Variants in AEBP2 observed in about 807,000 individuals in gnomAD.
AEBP2 encodes the protein AE binding protein 2, also known as zinc finger protein AEBP2.
A neutral mutation model predicts 50.8 loss-of-function variants in AEBP2; 10 were observed. The observed-to-expected ratio is 0.20, with a 90% CI of 0.12 to 0.33. The LOEUF (loss-of-function observed/expected upper bound fraction) is 0.33. Ranked by LOEUF, AEBP2 falls within the 10% of genes least tolerant of loss-of-function variation. The pLI, the probability that AEBP2 is intolerant of heterozygous loss-of-function variation, is 1.00. For missense variants in AEBP2, 570 were observed against 688.0 expected (o/e 0.83, Z 1.92); for synonymous variants, 296 against 261.3 (o/e 1.13, Z -1.28).
At chr12:19,500,017 TTTG>T in intron 4 of AEBP2, 77 bp from the exon 5 acceptor site, 1 of 1,279,500 alleles carries the variant, frequency 7.8e-7, no homozygotes, top group Non-Finnish European at 1.1e-6. Flanking sequence ...TAGATATGTA[TTTG>T]TTAATTGTTT....
At chr12:19,484,938 G>T (rs902137578) in intron 3 of AEBP2, among the ~76,000 whole-genome samples, 1 of 152,142 alleles carries the variant, frequency 6.6e-6, no homozygotes, top group African/African-American at 2.4e-5. Flanking sequence ...ACATTTGCTG[G>T]AAATGTGACT....
At chr12:19,457,390 C>A (rs1206119344) in intron 1 of AEBP2, 1 of 1,437,736 alleles carries the variant, frequency 7.0e-7, no homozygotes, top group Non-Finnish European at 9.6e-7. Flanking sequence ...ATGATAGTCA[C>A]GTAGCACTTG....
chr12:19,464,950 C>G (rs1412037150), intron 2 of AEBP2, among the ~76,000 whole-genome samples: 1 of 151,920 alleles, frequency 6.6e-6, no homozygotes, highest in Non-Finnish European at 1.5e-5. Context: ...ATACCTGTAC[C>G]TTATTGATAT....
chr12:19,460,741 G>A (rs1948361214), intron 1 of AEBP2, among the ~76,000 whole-genome samples: 1 of 150,056 alleles, frequency 6.7e-6, no homozygotes, highest in Non-Finnish European at 1.5e-5. Flanking sequence ...AGCAGTCTCC[G>A]CCTCCTGGGT....
rs1161298936 is a variant in AEBP2 at position 19,520,785 on chromosome 12, G to T, written c.*2668G>T. ...AGCCCCCAATTTTTACTACAGGTTG[G>T]CAATCCCTAATCCAAAAATCTGACA... On this transcript the variant is annotated 3_prime_UTR_variant, in exon 8 of 8. Coordinates refer to ENST00000266508, the MANE Select transcript of AEBP2 (RefSeq NM_153207.5). 3 of 152,144 alleles carry T rather than the reference G, an allele frequency of 2.0e-5. No individual in the cohort carries two copies. Among genetic ancestry groups the T allele is most frequent in the Admixed American group, 2.0e-4 (3 of 15,270 alleles). The allele number at this position is 152,144 out of a possible 1,614,324, so 9.4% of individuals were successfully genotyped here.
intron 1 of AEBP2, among the ~76,000 whole-genome samples, chr12:19,415,982 A>C (rs777263259): frequency 2.2e-4 from 33 of 152,180 alleles, no homozygotes; most frequent in Admixed American, 7.2e-4. Flanking sequence ...TGAGAGTTCC[A>C]GACCAGCCTG....
chr12:19,495,212 G>GT (rs1285309691), intron 4 of AEBP2, among the ~76,000 whole-genome samples: 3 of 152,088 alleles, frequency 2.0e-5, no homozygotes, highest in Non-Finnish European at 2.9e-5. Flanking sequence ...CAGCTGGTTA[G>GT]TTTTAACTAC....
intron 3 of AEBP2, among the ~76,000 whole-genome samples, chr12:19,479,717 G>GTGTTTT (rs1948697977): frequency 4.5e-5 from 1 of 22,314 alleles, no homozygotes; most frequent in African/African-American, 1.6e-4. Flanking sequence ...CTCTTTGTGG[G>GTGTTTT]TTTTTTTTTT....
chr12:19,445,598 T>C (rs2153366959), intron 1 of AEBP2, among the ~76,000 whole-genome samples: 1 of 152,276 alleles, frequency 6.6e-6, no homozygotes, highest in East Asian at 1.9e-4. Flanking sequence ...AGAGAATCAC[T>C]GCACAAATGA....
At chr12:19,500,420 A>G (rs1463454672) in intron 5 of AEBP2, among the ~76,000 whole-genome samples, 199 bp downstream of exon 5, 1 of 152,182 alleles carries the variant, frequency 6.6e-6, no homozygotes, top group Non-Finnish European at 1.5e-5. Context: ...TTTGTGATTA[A>G]ACTGAATATG....
intron 1 of AEBP2, among the ~76,000 whole-genome samples, chr12:19,424,773 CG>C (rs1490076813): frequency 1.3e-5 from 2 of 151,882 alleles, no homozygotes; most frequent in African/African-American, 2.4e-5. Context: ...TTTGGGAAGT[CG>C]AGGTGGGTGG....
At chr12:19,432,179 A>G (rs1304948778) in intron 1 of AEBP2, among the ~76,000 whole-genome samples, 1 of 152,190 alleles carries the variant, frequency 6.6e-6, no homozygotes, top group Non-Finnish European at 1.5e-5. Context: ...GGAGAGTAAC[A>G]AATGCAGCGT....
chr12:19,438,542 T>C (rs1006816018), upstream of AEBP2, among the ~76,000 whole-genome samples: 5 of 152,210 alleles, frequency 3.3e-5, no homozygotes, highest in Non-Finnish European at 7.4e-5. Context: ...GCAAGATGCA[T>C]TGCCAATAAA....
At chr12:19,481,250 A>G (rs1436052663) in intron 3 of AEBP2, among the ~76,000 whole-genome samples, 4 of 148,426 alleles carry the variant, frequency 2.7e-5, no homozygotes, top group Non-Finnish European at 4.5e-5. Context: ...ACAGGTGCCC[A>G]CCACCACACC....
rs1949374266 is a variant in AEBP2, at chr12:19,519,923, A to G, written c.*1806A>G. On this transcript the variant is annotated 3_prime_UTR_variant, in exon 8 of 8. Transcript: ENST00000266508. ...GTTTAATAAGGGTATTATCCATTTG[A>G]TCTATAGCAATGTGATTTTATTTTT... 6.6e-6 allele frequency: 1 copy of G among 152,464 alleles called. No homozygotes were observed. The highest frequency in any genetic ancestry group is 2.4e-5 in the African/African-American group (1 of 41,464). The allele number at this position is 152,464 out of a possible 1,614,324, so 9.4% of individuals were successfully genotyped here.
chr12:19,419,907 G>C (rs1284478971), intron 1 of AEBP2, among the ~76,000 whole-genome samples: 4 of 152,138 alleles, frequency 2.6e-5, no homozygotes, highest in Non-Finnish European at 5.9e-5. Context: ...TCCAGCCTGG[G>C]CCACAGAGTG....
In AEBP2 at chr12:19,519,404, T is replaced by C. The variant is rs1363515296; in HGVS notation, c.*1287T>C. On this transcript the variant is annotated 3_prime_UTR_variant, in exon 8 of 8. Coordinates refer to ENST00000266508, the MANE Select transcript of AEBP2 (RefSeq NM_153207.5). ...TGTCTTTCACAGACTTAAGGGACTA[T>C]GTACTACTGTTAATATCTCTAAGAA... is the stretch of plus-strand genomic sequence containing the variant. The C allele has an allele frequency of 2.0e-5, 3 of 152,586 alleles. No individual in the cohort carries two copies. Among genetic ancestry groups the C allele is most frequent in the Non-Finnish European group, 4.4e-5 (3 of 67,980 alleles). The allele number at this position is 152,586 out of a possible 1,614,324, so 9.5% of individuals were successfully genotyped here. A position where few individuals can be genotyped will look rare whatever the true frequency, so the allele number is the denominator to read the frequency against.
At chr12:19,470,756 A>G (rs942905164) in intron 2 of AEBP2, among the ~76,000 whole-genome samples, 1 of 152,130 alleles carries the variant, frequency 6.6e-6, no homozygotes, top group Non-Finnish European at 1.5e-5. Context: ...TTAGTGATTG[A>G]GTGTTGTTAG....
chr12:19,498,847 C>T lies in AEBP2; in HGVS notation c.1175-1250C>T, dbSNP rs371702265. Among the ~76,000 whole-genome samples the T allele has an allele frequency of 4.6e-5, 7 of 151,886 alleles. No individual in the cohort carries two copies. In the South Asian group the frequency reaches 1.2e-3, roughly 27 times the overall value. On this transcript the variant is annotated intron_variant, in intron 4 of 7. Transcript: ENST00000266508. ...TACTGCCTACTCTATATTTGTGAAACGTTTTATCCTTTAAAAAAAATTCCA... is the reference window on the plus strand; with the variant it reads ...TACTGCCTACTCTATATTTGTGAAATGTTTTATCCTTTAAAAAAAATTCCA...
Sources: gnomAD v4.1 joint callset for allele counts (sites outside exome capture counted in the v4.1 genomes callset) on GRCh38, gnomAD v4.1.1 for gene constraint, MANE v1.5 for transcripts, NCBI Gene and HGNC (gene_info 2026-07-23, HGNC 2026-07-21) for gene names.